The following GALNT13 variants were observed in gnomAD, a reference collection of about 807,000 sequenced individuals.
GALNT13 encodes the protein UDP-GalNAc:polypeptide N-acetylgalactosaminyltransferase 13.
GALNT13 carries 28 observed loss-of-function variants against 64.2 expected under a neutral mutation model. The ratio of observed to expected loss-of-function variants is 0.44; its 90% CI spans 0.32 to 0.60. The LOEUF is 0.60. Ranked by LOEUF, GALNT13 falls within the 20% of genes least tolerant of loss-of-function variation. The probability of loss-of-function intolerance (pLI) is 0.05; values close to 1 mark genes in which losing one functional copy is unlikely to be tolerated. For missense variants in GALNT13, 577 were observed against 669.8 expected, an observed-to-expected ratio of 0.86 and a Z score of 1.53; for synonymous variants, 214 against 224.6, an observed-to-expected ratio of 0.95 and a Z score of 0.42.
the GALNT13 span, among the ~76,000 whole-genome samples, chr2:153,376,121 A>G: frequency 6.6e-6 from 1 of 152,188 alleles, no homozygotes; most frequent in African/African-American, 2.4e-5. Flanking sequence ...ACCTCCAACC[A>G]TTGGAGATTA....
chr2:154,149,262 G>A (rs1455210231), intron 4 of GALNT13, among the ~76,000 whole-genome samples: 1 of 152,030 alleles, frequency 6.6e-6, no homozygotes. Context: ...ATTTCTGAGG[G>A]CTCTGTTCTA....
At chr2:154,430,508 C>T (rs1356738463) in intron 11 of GALNT13, among the ~76,000 whole-genome samples, 1 of 152,132 alleles carries the variant, frequency 6.6e-6, no homozygotes, top group Non-Finnish European at 1.5e-5. Flanking sequence ...TATCAATGAT[C>T]AAGAAAAGTG....
At chr2:153,094,700 A>G in the GALNT13 span, among the ~76,000 whole-genome samples, 7 of 152,346 alleles carry the variant, frequency 4.6e-5, no homozygotes, top group East Asian at 9.6e-4. Flanking sequence ...ATACAGACCA[A>G]TGGAACAGAA....
intron 7 of GALNT13, among the ~76,000 whole-genome samples, chr2:154,248,036 T>C (rs965016976): frequency 6.6e-6 from 1 of 152,098 alleles, no homozygotes; most frequent in African/African-American, 2.4e-5. Flanking sequence ...TTGAAGACAA[T>C]TTTTTTCCTA....
the GALNT13 span, among the ~76,000 whole-genome samples, chr2:153,539,871 A>C: frequency 6.6e-6 from 1 of 152,146 alleles, no homozygotes; most frequent in South Asian, 2.1e-4. Context: ...GTCAGGCAGA[A>C]GAAATTTCTA....
At chr2:154,380,001 A>C (rs1390711348) in intron 9 of GALNT13, among the ~76,000 whole-genome samples, 1 of 152,088 alleles carries the variant, frequency 6.6e-6, no homozygotes, top group Non-Finnish European at 1.5e-5. Flanking sequence ...AATTAAACTT[A>C]AATATTTCTA....
intron 3 of GALNT13, among the ~76,000 whole-genome samples, chr2:154,116,019 G>A (rs1317151799): frequency 6.6e-6 from 1 of 152,150 alleles, no homozygotes; most frequent in South Asian, 2.1e-4. Flanking sequence ...AGGTATTAGG[G>A]TTGGCTTGTG....
intron 9 of GALNT13, among the ~76,000 whole-genome samples, chr2:154,310,362 TA>T (rs1420813074): frequency 6.6e-6 from 1 of 152,178 alleles, no homozygotes; most frequent in Non-Finnish European, 1.5e-5. Context: ...ATGAAATATG[TA>T]AGTCCCAATC....
rs963517654 is a variant in GALNT13, at chr2:154,147,490, C to G, written c.311+6985C>G. Among the ~76,000 whole-genome samples, 8 of 151,014 alleles carry G rather than the reference C, an allele frequency of 5.3e-5. No individual in the cohort carries two copies. In the East Asian group the frequency reaches 1.6e-3, roughly 29 times the overall value. On this transcript the variant is annotated intron_variant, in intron 4 of 12. Transcript: ENST00000392825. ...TTTTACAGGAAGGTGTATTTGGAAC[C>G]AAGCTTTGTAAGATGAATTTGTGTA...
At chr2:154,053,993 A>G (rs1699776034) in intron 3 of GALNT13, among the ~76,000 whole-genome samples, 1 of 152,030 alleles carries the variant, frequency 6.6e-6, no homozygotes, top group East Asian at 1.9e-4. Flanking sequence ...TTCTCCTTTT[A>G]TCACCTTTTG....
intron 2 of GALNT13, among the ~76,000 whole-genome samples, chr2:153,944,193 G>A (rs1242743582): frequency 4.6e-5 from 7 of 152,160 alleles, no homozygotes; most frequent in Non-Finnish European, 1.5e-5. Context: ...AGTAGTGGCA[G>A]ATCTAGTATT....
chr2:153,702,683 C>T, the GALNT13 span, among the ~76,000 whole-genome samples: 1,175 of 152,032 alleles, frequency 7.7e-3, 18 homozygotes, highest in African/African-American at 0.027. Context: ...TTGCTATTAG[C>T]TTGAAAACAC....
the GALNT13 span, among the ~76,000 whole-genome samples, chr2:153,684,069 A>AATATATAT: frequency 1.3e-5 from 2 of 148,380 alleles, no homozygotes; most frequent in Non-Finnish European, 1.5e-5. Context: ...TCTTCATAAT[A>AATATATAT]ATATATATAT....
chr2:154,421,822 C>T (rs138373619), intron 11 of GALNT13, among the ~76,000 whole-genome samples: 1 of 151,962 alleles, frequency 6.6e-6, no homozygotes, highest in African/African-American at 2.4e-5. Flanking sequence ...ATAGATATCG[C>T]TGTTTAAATC....
rs13149600 is a variant in GALNT13, at chr2:154,022,507, C to T, written c.142+77868C>T. Among the ~76,000 whole-genome samples the T allele has an allele frequency of 2.6e-4, 39 of 152,136 alleles. 1 individual carries two copies. Among genetic ancestry groups the T allele is most frequent in the African/African-American group, 5.8e-4 (24 of 41,532 alleles). Reference sequence around the variant, plus strand: ...TGGAGGTGTTTATAGTATTCTCTGACGGTAGTTTGTATTTCTGTGGGATCA... The same window carrying T: ...TGGAGGTGTTTATAGTATTCTCTGATGGTAGTTTGTATTTCTGTGGGATCA... On this transcript the variant is annotated intron_variant, in intron 3 of 12. Transcript: ENST00000392825.
At chr2:153,113,138 T>C in the GALNT13 span, among the ~76,000 whole-genome samples, 2 of 152,070 alleles carry the variant, frequency 1.3e-5, no homozygotes, top group Non-Finnish European at 1.5e-5. Flanking sequence ...CGTCAAGAGA[T>C]TGTATTTGTT....
At chr2:153,835,770 T>C in the GALNT13 span, among the ~76,000 whole-genome samples, 1 of 152,102 alleles carries the variant, frequency 6.6e-6, no homozygotes, top group South Asian at 2.1e-4. Flanking sequence ...TTTAAATATA[T>C]GTTTCAATAA....
the GALNT13 span, among the ~76,000 whole-genome samples, chr2:153,599,940 G>A: frequency 6.6e-6 from 1 of 151,976 alleles, no homozygotes; most frequent in Non-Finnish European, 1.5e-5. Context: ...CAAGATGGCT[G>A]ATGGGTATGA....
the GALNT13 span, among the ~76,000 whole-genome samples, chr2:153,123,722 A>G: frequency 6.6e-6 from 1 of 152,218 alleles, no homozygotes; most frequent in Non-Finnish European, 1.5e-5. Flanking sequence ...AATGTTAGCC[A>G]TTAATTTTTA....
Sources: gnomAD v4.1 joint callset for allele counts (sites outside exome capture counted in the v4.1 genomes callset) on GRCh38, gnomAD v4.1.1 for gene constraint, MANE v1.5 for transcripts, NCBI Gene and HGNC (gene_info 2026-07-23, HGNC 2026-07-21) for gene names.